The following PAX7 variants were observed in gnomAD, a reference collection of about 807,000 sequenced individuals.
The protein encoded by PAX7 is paired box protein Pax-7.
A neutral mutation model predicts 50.7 loss-of-function variants in PAX7; 18 were observed. The observed-to-expected ratio is 0.36, with a 90% CI of 0.25 to 0.53. PAX7 has a LOEUF of 0.53. Among genes scored for constraint, PAX7 ranks in the 20% least tolerant of loss-of-function variants. PAX7 has a pLI of 0.93. For synonymous variants in PAX7, 310 were observed against 290.4 expected (o/e 1.07, Z -0.69); for missense variants, 644 against 702.9 (o/e 0.92, Z 0.95).
chr1:18,735,923 C>T lies in PAX7; in HGVS notation c.1402+45C>T, dbSNP rs752164519. On this transcript the variant is annotated intron_variant, in intron 8 of 8. Coordinates refer to ENST00000420770, the MANE Select transcript of PAX7 (RefSeq NM_001135254.2). The surrounding 1 kb of genome is among the most constrained non-coding windows in gnomAD (Gnocchi z 4.0). ...GGCGTCCCCCGTCCCCATTCCTTCT[C>T]CCACCCCCAGGGCCTCCTGCTTGTT... The T allele has an allele frequency of 5.0e-6, 8 of 1,613,980 alleles. No homozygotes were observed. Among genetic ancestry groups the T allele is most frequent in the South Asian group, 1.1e-5 (1 of 91,074 alleles).
At chr1:18,722,607 G>A (rs1412172365) in intron 7 of PAX7, among the ~76,000 whole-genome samples, 5 of 152,144 alleles carry the variant, frequency 3.3e-5, no homozygotes, top group East Asian at 1.9e-4. Context: ...TGGAGCCTGC[G>A]TTCCCTGCCC....
chr1:18,740,337 T>C (rs1253910364), intron 8 of PAX7, among the ~76,000 whole-genome samples: 1 of 152,120 alleles, frequency 6.6e-6, no homozygotes, highest in East Asian at 1.9e-4. Context: ...TCCTACTGTG[T>C]GCTGGGCCCA....
intron 4 of PAX7, among the ~76,000 whole-genome samples, chr1:18,678,240 T>C (rs982685833): frequency 6.6e-6 from 1 of 152,022 alleles, no homozygotes; most frequent in Non-Finnish European, 1.5e-5. Flanking sequence ...GGAGAAACCC[T>C]GTTTCTACTA....
At chr1:18,635,560 AG>A (rs1404623728) in intron 3 of PAX7, among the ~76,000 whole-genome samples, 2 of 152,112 alleles carry the variant, frequency 1.3e-5, no homozygotes, top group African/African-American at 4.8e-5. Context: ...GCAGGCAGGC[AG>A]GTGGGCAGGC....
chr1:18,647,488 G>A (rs1028252679), intron 4 of PAX7, among the ~76,000 whole-genome samples: 3 of 151,972 alleles, frequency 2.0e-5, no homozygotes, highest in Middle Eastern at 3.2e-3. Context: ...GAATTGGGCG[G>A]GGTGGGGGGG....
At chr1:18,731,830 T>C (rs1486115148) in intron 7 of PAX7, among the ~76,000 whole-genome samples, 1 of 152,210 alleles carries the variant, frequency 6.6e-6, no homozygotes, top group Non-Finnish European at 1.5e-5. Context: ...AAAAGCTCCC[T>C]GGACCCAAGC....
At chr1:18,672,596 G>GTTTTTTTTTTT (rs1034079316) in intron 4 of PAX7, among the ~76,000 whole-genome samples, 1 of 125,844 alleles carries the variant, frequency 7.9e-6, no homozygotes. Flanking sequence ...AGAGCACTGT[G>GTTTTTTTTTTT]TTTTTTTTTT....
intron 4 of PAX7, 68 bp from the exon 5 acceptor site, chr1:18,691,686 T>C: frequency 1.4e-6 from 2 of 1,449,390 alleles, no homozygotes. Flanking sequence ...TGTGCTCTCC[T>C]CCCAGACCCC....
At chr1:18,722,001 T>A (rs2089500988) in intron 7 of PAX7, among the ~76,000 whole-genome samples, 2 of 152,226 alleles carry the variant, frequency 1.3e-5, no homozygotes, top group African/African-American at 4.8e-5. Flanking sequence ...TCACTTGACC[T>A]CTCTGTGCCT....
intron 4 of PAX7, among the ~76,000 whole-genome samples, chr1:18,679,840 T>C (rs1047998986): frequency 3.5e-4 from 54 of 152,252 alleles, no homozygotes; most frequent in Non-Finnish European, 7.6e-4. Flanking sequence ...CATTCATCCA[T>C]GCATTCATTC....
intron 4 of PAX7, among the ~76,000 whole-genome samples, chr1:18,646,168 A>G (rs962728796): frequency 1.3e-5 from 2 of 152,250 alleles, no homozygotes; most frequent in Non-Finnish European, 2.9e-5. Flanking sequence ...GAATCCCAGC[A>G]TGTCCGGGAT....
In PAX7 at chr1:18,705,830, T is replaced by C. The variant is rs149076087; in HGVS notation, c.1155+2534T>C. Among the ~76,000 whole-genome samples, 103 of 152,212 alleles carry C rather than the reference T, an allele frequency of 6.8e-4. 1 individual carries two copies. Among genetic ancestry groups the C allele is most frequent in the African/African-American group, 2.3e-3 (97 of 41,526 alleles). ...TTACTGAAGCTAAAAGCGAGAGGCC[T>C]CCAGCCCATTCCTCAGGGCTGGGAG... On this transcript the variant is annotated intron_variant, in intron 7 of 8. Coordinates refer to ENST00000420770, the MANE Select transcript of PAX7 (RefSeq NM_001135254.2).
intron 4 of PAX7, among the ~76,000 whole-genome samples, chr1:18,659,801 T>A (rs1182217671): frequency 6.6e-6 from 1 of 152,140 alleles, no homozygotes; most frequent in Non-Finnish European, 1.5e-5. Context: ...CTGGGATTGT[T>A]GCTCACCCTA....
At chr1:18,672,209 A>G (rs1182729296) in intron 4 of PAX7, among the ~76,000 whole-genome samples, 1 of 151,844 alleles carries the variant, frequency 6.6e-6, no homozygotes, top group East Asian at 1.9e-4. Flanking sequence ...ACTTTCCAGA[A>G]TCTCCCTTTG....
chr1:18,683,773 G>T (rs1257540452), intron 4 of PAX7, among the ~76,000 whole-genome samples: 1 of 152,196 alleles, frequency 6.6e-6, no homozygotes, highest in East Asian at 1.9e-4. Context: ...CTGGGAGGCG[G>T]ATGTTGCAGT....
rs770866478 is a variant in PAX7, at chr1:18,735,832, C to T, written c.1356C>T (p.Tyr452=). 10 of 1,614,156 alleles carry T rather than the reference C, an allele frequency of 6.2e-6. No individual in the cohort carries two copies. The highest frequency in any genetic ancestry group is 8.5e-6 in the Non-Finnish European group (10 of 1,180,024). ...YCPPTYSTTG[Y]SVDPVAGYQY... Reference sequence around the variant, plus strand: ...CACCCACCTACAGCACCACCGGCTACAGCGTGGACCCCGTGGCCGGCTATC... The same window carrying T: ...CACCCACCTACAGCACCACCGGCTATAGCGTGGACCCCGTGGCCGGCTATC... The change falls in exon 8 of 9, where the codon TAC becomes TAT. Residue 452 remains tyrosine (Y), a synonymous_variant. Transcript: ENST00000420770. This position sits in a 1 kb window ranked among gnomAD's most constrained non-coding sequence, Gnocchi z 4.0.
chr1:18,647,724 G>A (rs966590001), intron 4 of PAX7, among the ~76,000 whole-genome samples: 9 of 152,132 alleles, frequency 5.9e-5, no homozygotes, highest in African/African-American at 2.2e-4. Flanking sequence ...ATCCTCTCCT[G>A]CCTCCTCATT....
chr1:18,724,794 A>G (rs1186634777), intron 7 of PAX7, among the ~76,000 whole-genome samples: 1 of 152,178 alleles, frequency 6.6e-6, no homozygotes, highest in Non-Finnish European at 1.5e-5. Context: ...TATATTTCAT[A>G]TTTCATTGAA....
chr1:18,658,594 G>A (rs1361934960), intron 4 of PAX7, among the ~76,000 whole-genome samples: 2 of 152,214 alleles, frequency 1.3e-5, no homozygotes, highest in African/African-American at 4.8e-5. Context: ...ACTCTTGGGG[G>A]CTCACCCTGA....
Sources: allele counts gnomAD v4.1 joint callset (sites outside exome capture counted in the v4.1 genomes callset), GRCh38; gene constraint gnomAD v4.1.1; non-coding constraint Gnocchi (gnomAD v3.1); transcripts MANE v1.5; gene names NCBI Gene and HGNC (gene_info 2026-07-23, HGNC 2026-07-21).